KIF6: variants seen among roughly 807,000 people sequenced by gnomAD.
The protein encoded by KIF6 is kinesin-like protein KIF6.
A neutral mutation model predicts 112.7 loss-of-function variants in KIF6; 106 were observed. That is an observed-to-expected ratio of 0.94 (90% CI 0.80 to 1.11). The LOEUF (loss-of-function observed/expected upper bound fraction) is 1.11, where lower values mean the gene tolerates loss of function less well. Among genes scored for constraint, KIF6 ranks in the 50% least tolerant of loss-of-function variants. The pLI is 0.00. For synonymous variants in KIF6, 339 were observed against 339.9 expected (o/e 1.00, Z 0.03); for missense variants, 929 against 964.0 (o/e 0.96, Z 0.48).
chr6:39,589,916 T>C (rs1465987809), intron 7 of KIF6, among the ~76,000 whole-genome samples: 1 of 152,234 alleles, frequency 6.6e-6, no homozygotes, highest in African/African-American at 2.4e-5. Context: ...CAGTTTACAA[T>C]TAAGAAATTT....
intron 10 of KIF6, among the ~76,000 whole-genome samples, chr6:39,558,558 G>A (rs1779842547): frequency 6.6e-6 from 1 of 152,082 alleles, no homozygotes; most frequent in Admixed American, 6.5e-5. Context: ...TGTGATGAAG[G>A]GTCCCATTTC....
chr6:39,520,634 C>G (rs137918551), intron 13 of KIF6, among the ~76,000 whole-genome samples: 1 of 152,152 alleles, frequency 6.6e-6, no homozygotes, highest in African/African-American at 2.4e-5. Flanking sequence ...GCAGTTAGAG[C>G]GGATGTGGTA....
rs58169713 is a variant in KIF6 at position 39,590,451 on chromosome 6, ATTT to A, written c.847-4050_847-4048del. Among the ~76,000 whole-genome samples, 707 of 84,648 alleles carry A rather than the reference ATTT, an allele frequency of 8.4e-3. 4 individuals are homozygous for A. Among genetic ancestry groups the A allele is most frequent in the African/African-American group, 0.034 (668 of 19,594 alleles). 55.5% of individuals were successfully genotyped at this position (84,648 alleles called of 152,430 possible). A position where few individuals can be genotyped will look rare whatever the true frequency, so the allele number is the denominator to read the frequency against. Reference sequence around the variant, plus strand: ...TGTGTATATATATATATATATATATATTTTTTTTTTTTTTTTGAGATGGAGGTT... The same window carrying A: ...TGTGTATATATATATATATATATATATTTTTTTTTTTTTGAGATGGAGGTT... On this transcript the variant is annotated intron_variant, in intron 7 of 22. Coordinates refer to ENST00000287152, the MANE Select transcript of KIF6 (RefSeq NM_145027.6).
chr6:39,423,094 G>A lies in KIF6; in HGVS notation c.1755-3091C>T, dbSNP rs187404892. 4.6e-5 allele frequency among the ~76,000 whole-genome samples: 7 copies of A among 152,322 alleles called. No individual in the cohort carries two copies. In the East Asian group the frequency reaches 7.7e-4, roughly 17 times the overall value. ...CGTCGTTAGTTGTGTGGCTGGCTTT[G>A]GGGAGTGTAAGATAGCTGGGTGCAG... On this transcript the variant is annotated intron_variant, in intron 14 of 22. Transcript: ENST00000287152.
At chr6:39,387,045 C>T (rs2150316282) in intron 15 of KIF6, among the ~76,000 whole-genome samples, 1 of 152,232 alleles carries the variant, frequency 6.6e-6, no homozygotes, top group African/African-American at 2.4e-5. Flanking sequence ...TTTAGGGCAC[C>T]TCTAGAATGT....
At chr6:39,681,914 A>G (rs1787541680) in intron 3 of KIF6, among the ~76,000 whole-genome samples, 2 of 152,190 alleles carry the variant, frequency 1.3e-5, no homozygotes, top group South Asian at 4.1e-4. Context: ...AGGAAGAACT[A>G]CAGGGGTATG....
chr6:39,681,205 C>T (rs966082056), intron 3 of KIF6, among the ~76,000 whole-genome samples: 1 of 152,112 alleles, frequency 6.6e-6, no homozygotes, highest in African/African-American at 2.4e-5. Flanking sequence ...ATGACCATTA[C>T]AATGAAGGAA....
chr6:39,430,682 G>T (rs1771088765), intron 14 of KIF6, among the ~76,000 whole-genome samples: 1 of 152,174 alleles, frequency 6.6e-6, no homozygotes, highest in Non-Finnish European at 1.5e-5. Context: ...AGAACAGCTG[G>T]AGTGCCTGCA....
At chr6:39,627,351 GT>G (rs1784144079) in intron 5 of KIF6, among the ~76,000 whole-genome samples, 3 of 152,016 alleles carry the variant, frequency 2.0e-5, no homozygotes, top group South Asian at 2.1e-4. Flanking sequence ...CTCTTACAAT[GT>G]TTTTCACATT....
intron 3 of KIF6, chr6:39,691,509 T>C (rs1190020006): frequency 2.0e-5 from 3 of 152,222 alleles, no homozygotes; most frequent in African/African-American, 7.2e-5. Flanking sequence ...TCAATATTTT[T>C]GGCTACATAA....
chr6:39,387,322 T>C (rs1027636663), intron 15 of KIF6, among the ~76,000 whole-genome samples: 2 of 152,188 alleles, frequency 1.3e-5, no homozygotes, highest in South Asian at 4.1e-4. Flanking sequence ...GATGCTATGA[T>C]TGATTTCTCT....
intron 22 of KIF6, among the ~76,000 whole-genome samples, chr6:39,337,711 C>G (rs918171659): frequency 2.0e-5 from 3 of 152,104 alleles, no homozygotes; most frequent in African/African-American, 7.2e-5. Context: ...TCCTCCTGAC[C>G]ATGTGGCCCC....
chr6:39,519,916 G>A (rs1037473770), intron 13 of KIF6, among the ~76,000 whole-genome samples: 18 of 152,132 alleles, frequency 1.2e-4, no homozygotes, highest in Admixed American at 7.2e-4. Flanking sequence ...CAGCTACTCC[G>A]GAGGCTGAGG....
chr6:39,590,425 GTGTGTA>G (rs1236141028), intron 7 of KIF6, among the ~76,000 whole-genome samples: 91 of 117,348 alleles, frequency 7.8e-4, no homozygotes, highest in African/African-American at 3.2e-3. Flanking sequence ...GTGTATGTGT[GTGTGTA>G]TATATATATA....
At chr6:39,620,251 A>G (rs531886694) in intron 5 of KIF6, 4 of 152,296 alleles carry the variant, frequency 2.6e-5, no homozygotes, top group African/African-American at 9.6e-5. Context: ...GTGCACTAAA[A>G]TTTGTTTTCT....
At chr6:39,661,897 C>A (rs1317381918) in intron 3 of KIF6, among the ~76,000 whole-genome samples, 1 of 152,106 alleles carries the variant, frequency 6.6e-6, no homozygotes, top group Non-Finnish European at 1.5e-5. Flanking sequence ...ATTCATCATA[C>A]TGATATTCTG....
intron 5 of KIF6, among the ~76,000 whole-genome samples, chr6:39,618,133 T>C (rs1004878332): frequency 6.6e-6 from 1 of 152,240 alleles, no homozygotes; most frequent in Non-Finnish European, 1.5e-5. Flanking sequence ...ACTTGAAATA[T>C]GTTTCTTGGG....
At chr6:39,712,889 C>A (rs538864245) in intron 3 of KIF6, among the ~76,000 whole-genome samples, 1 of 152,126 alleles carries the variant, frequency 6.6e-6, no homozygotes, top group Non-Finnish European at 1.5e-5. Context: ...CAACATGGCA[C>A]GTGTATACCT....
chr6:39,633,661 T>C, intron 5 of KIF6, among the ~76,000 whole-genome samples: 1 of 152,192 alleles, frequency 6.6e-6, no homozygotes, highest in East Asian at 1.9e-4. Context: ...CCACCCTGTG[T>C]CCTCCACATT....
Sources: allele counts gnomAD v4.1 joint callset (sites outside exome capture counted in the v4.1 genomes callset), GRCh38; gene constraint gnomAD v4.1.1; transcripts MANE v1.5; gene names NCBI Gene and HGNC (gene_info 2026-07-23, HGNC 2026-07-21).